The following C2CD3 variants were observed in gnomAD, a reference collection of about 807,000 sequenced individuals.
C2CD3 encodes C2 domain-containing protein 3.
In C2CD3, 148 loss-of-function variants were observed where a neutral mutation model predicts 234.0. That is an observed-to-expected ratio of 0.63 (90% CI 0.55 to 0.72). The LOEUF (loss-of-function observed/expected upper bound fraction) is 0.72, where lower values mean the gene tolerates loss of function less well. Among genes scored for constraint, C2CD3 ranks in the 30% least tolerant of loss-of-function variants. The probability of loss-of-function intolerance (pLI) is 0.00; values close to 1 mark genes in which losing one functional copy is unlikely to be tolerated. For synonymous variants in C2CD3, 1,000 were observed against 1,035.4 expected (o/e 0.97, Z 0.66); for missense variants, 2,577 against 2,811.5 (o/e 0.92, Z 1.89).
At chr11:74,145,339 G>A (rs184306967) in intron 3 of C2CD3, among the ~76,000 whole-genome samples, 174 of 152,152 alleles carry the variant, frequency 1.1e-3, no homozygotes, top group Non-Finnish European at 1.6e-3. Flanking sequence ...ATTTTTTCAC[G>A]TTTGTTGGCG....
In C2CD3 at chr11:74,049,441, C is replaced by T; in HGVS notation, c.5257G>A (p.Glu1753Lys). 2 of 1,613,978 alleles carry T rather than the reference C, an allele frequency of 1.2e-6. No homozygotes were observed. The highest frequency in any genetic ancestry group is 2.2e-5 in the South Asian group (2 of 91,074). ...GWYNITDFSG[E>K]CQGQIKVAVS... ...GCAACTTTTATCTGCCCCTGGCACTCTCCACTGAAGTCTGTGATGTTGTAC... is the reference window on the plus strand; with the variant it reads ...GCAACTTTTATCTGCCCCTGGCACTTTCCACTGAAGTCTGTGATGTTGTAC... The change falls in exon 27 of 33, where the codon GAG (glutamate) becomes AAG (lysine). Residue 1753 changes from glutamate to lysine, a missense_variant. By Grantham distance (56) the Glu-to-Lys change is moderately conservative. Coordinates refer to ENST00000334126, the MANE Select transcript of C2CD3 (RefSeq NM_001286577.2).
chr11:74,144,874 A>G (rs141640211), intron 3 of C2CD3, among the ~76,000 whole-genome samples: 1 of 152,124 alleles, frequency 6.6e-6, no homozygotes, highest in Non-Finnish European at 1.5e-5. Flanking sequence ...GCTTGATTCT[A>G]TGTTTTTGCT....
At chr11:74,083,072 A>C (rs1270104194) in intron 22 of C2CD3, among the ~76,000 whole-genome samples, 1 of 152,060 alleles carries the variant, frequency 6.6e-6, no homozygotes, top group Non-Finnish European at 1.5e-5. Context: ...CCAAAACAGC[A>C]TGGTACTGGT....
At chr11:74,122,822 G>C (rs1957261596) in intron 8 of C2CD3, among the ~76,000 whole-genome samples, 166 bp downstream of exon 8, 1 of 152,090 alleles carries the variant, frequency 6.6e-6, no homozygotes, top group African/African-American at 2.4e-5. Context: ...ATCCTACTAG[G>C]CCTGTCTCAA....
At position 74,133,509 on chromosome 11, in the gene C2CD3, G is replaced by A. The variant is rs1481216810; in HGVS notation, c.1004C>T (p.Ala335Val). ...GCTGGTCTCTGGGCTTGATTTCATT[G>A]CAGAAATCACCATGGCATTACGCAG... Reference protein sequence around the residue: ...NKLRNAMVISAMKSSPETSML... With the variant: ...NKLRNAMVISVMKSSPETSML... The change falls in exon 6 of 33, where the codon GCA becomes GTA. Residue 335 changes from alanine to valine, a missense_variant. Ala to Val is a moderately conservative substitution (Grantham distance 64, BLOSUM62 0). Transcript: ENST00000334126. The A allele has an allele frequency of 6.2e-7, 1 of 1,612,836 alleles. No homozygotes were observed. The highest frequency in any genetic ancestry group is 8.5e-7 in the Non-Finnish European group (1 of 1,178,972).
intron 3 of C2CD3, among the ~76,000 whole-genome samples, chr11:74,148,645 C>T (rs550818512): frequency 2.9e-4 from 44 of 152,240 alleles, no homozygotes; most frequent in African/African-American, 9.4e-4. Context: ...AAAGCTTCCT[C>T]TCTCAATCAG....
intron 20 of C2CD3, among the ~76,000 whole-genome samples, chr11:74,087,041 T>C (rs1168537020): frequency 4.6e-5 from 7 of 152,188 alleles, no homozygotes; most frequent in Admixed American, 3.9e-4. Flanking sequence ...TAACATAAGA[T>C]AGTATATAAA....
intron 7 of C2CD3, among the ~76,000 whole-genome samples, chr11:74,127,661 T>C (rs1029959484): frequency 6.6e-6 from 1 of 152,146 alleles, no homozygotes; most frequent in South Asian, 2.1e-4. Context: ...GGTAAATCTA[T>C]AGGTACGAGT....
Position 74,048,246 on chromosome 11 carries a change from A to C in C2CD3, c.5454T>G (p.Ala1818=), listed in dbSNP as rs1194360108. The C allele has an allele frequency of 1.2e-6, 2 of 1,613,720 alleles. No individual in the cohort carries two copies. The highest frequency in any genetic ancestry group is 2.2e-5 in the South Asian group (2 of 90,986). The change falls in exon 28 of 33, where the codon GCT becomes GCG. Residue 1818 remains alanine (A), a synonymous_variant. Transcript: ENST00000334126. ...AATCAAGCTCCTTTGAGGAGGCATG[A>C]GCAAGTTGGTCTAGGGTCTGCCTTG... ...HMARQTLDQL[A]HASSKELDFS...
intron 7 of C2CD3, among the ~76,000 whole-genome samples, chr11:74,127,230 C>T (rs189623016): frequency 3.3e-5 from 5 of 152,284 alleles, no homozygotes; most frequent in African/African-American, 9.6e-5. Flanking sequence ...TGGTCTTGAA[C>T]TCCTGAGCTA....
intron 1 of C2CD3, among the ~76,000 whole-genome samples, chr11:74,169,808 T>C (rs1362414892): frequency 6.6e-6 from 1 of 152,212 alleles, no homozygotes; most frequent in East Asian, 1.9e-4. Flanking sequence ...AAAGTCAGTA[T>C]CTCAAAACTG....
intron 27 of C2CD3, 148 bp from the exon 28 acceptor site, chr11:74,048,486 A>G (rs1953497498): frequency 1.4e-6 from 1 of 713,940 alleles, no homozygotes; most frequent in East Asian, 2.8e-5. Flanking sequence ...ATTTACATAC[A>G]TTTTCTCATT....
chr11:74,120,374 G>A (rs973287106), intron 8 of C2CD3, among the ~76,000 whole-genome samples: 2 of 152,070 alleles, frequency 1.3e-5, no homozygotes, highest in Non-Finnish European at 2.9e-5. Flanking sequence ...GAGAACAGGC[G>A]GTGTTTGGTT....
chr11:74,100,442 G>T, intron 15 of C2CD3, 83 bp downstream of exon 15: 1 of 1,318,346 alleles, frequency 7.6e-7, no homozygotes, highest in Non-Finnish European at 1.0e-6. Context: ...GGCTATTCAT[G>T]TTTGCAAATC....
chr11:74,113,617 C>T (rs768349593), intron 11 of C2CD3, 163 bp downstream of exon 11: 2 of 624,214 alleles, frequency 3.2e-6, no homozygotes, highest in South Asian at 3.3e-5. Flanking sequence ...GAGGTGGAGG[C>T]TGCAGTGAGC....
chr11:74,041,710 A>G (rs935220380), intron 29 of C2CD3, among the ~76,000 whole-genome samples: 1 of 152,218 alleles, frequency 6.6e-6, no homozygotes, highest in Admixed American at 6.5e-5. Flanking sequence ...AGGAACAGAA[A>G]AGAGTTAACA....
rs1189041167 is a variant in C2CD3 at position 74,106,515 on chromosome 11, C to T, written c.1963-22G>A. 2.5e-6 allele frequency: 4 copies of T among 1,606,934 alleles called. No individual in the cohort carries two copies. In the African/African-American group the frequency reaches 4.0e-5, roughly 16 times the overall value. On this transcript the variant is annotated intron_variant, in intron 12 of 32. Coordinates refer to ENST00000334126, the MANE Select transcript of C2CD3 (RefSeq NM_001286577.2). ...CTGGCTGAGAAAGAAGGAAAGAGAA[C>T]ATTTAGATTAATTAAAGAGAAGCCA...
chr11:74,115,217 CAT>C (rs1002727966), intron 9 of C2CD3, among the ~76,000 whole-genome samples: 5 of 151,254 alleles, frequency 3.3e-5, no homozygotes, highest in South Asian at 2.1e-4. Context: ...CACATACATA[CAT>C]ATATATATAC....
At chr11:74,082,107 G>A (rs1955399197) in intron 22 of C2CD3, among the ~76,000 whole-genome samples, 1 of 150,920 alleles carries the variant, frequency 6.6e-6, no homozygotes. Flanking sequence ...CATTCAGTAT[G>A]ATACTGGCTG....
Sources: gnomAD v4.1 joint callset for allele counts (sites outside exome capture counted in the v4.1 genomes callset) on GRCh38, gnomAD v4.1.1 for gene constraint, MANE v1.5 for transcripts, NCBI Gene and HGNC (gene_info 2026-07-23, HGNC 2026-07-21) for gene names.